Variants in ATXN2 observed in about 807,000 individuals in gnomAD.
ATXN2 encodes the protein ataxin-2.
Under a neutral mutation model 138.6 loss-of-function variants are expected in ATXN2, and 37 were observed. The observed-to-expected ratio is 0.27, with a 90% CI of 0.21 to 0.35. The LOEUF is 0.35. Ranked by LOEUF, ATXN2 falls within the 10% of genes least tolerant of loss-of-function variation. The probability of loss-of-function intolerance (pLI) is 1.00; values close to 1 mark genes in which losing one functional copy is unlikely to be tolerated. For synonymous variants in ATXN2, 549 were observed against 543.7 expected, an observed-to-expected ratio of 1.01 and a Z score of -0.13; for missense variants, 1,216 against 1,480.3, an observed-to-expected ratio of 0.82 and a Z score of 2.93.
At chr12:111,576,399 C>A (rs1883650710) in intron 1 of ATXN2, among the ~76,000 whole-genome samples, 2 of 152,102 alleles carry the variant, frequency 1.3e-5, no homozygotes, top group African/African-American at 4.8e-5. Context: ...TGCGCCACTG[C>A]ACGCCACTGT....
At chr12:111,470,377 T>C (rs1374869792) in intron 19 of ATXN2, 137 bp from the exon 20 acceptor site, 2 of 1,241,326 alleles carry the variant, frequency 1.6e-6, no homozygotes, top group Admixed American at 2.6e-5. Context: ...CTTGGCTGTT[T>C]CCTCTGAACC....
chr12:111,553,340 C>T (rs1298804720), intron 3 of ATXN2, among the ~76,000 whole-genome samples: 4 of 151,958 alleles, frequency 2.6e-5, no homozygotes, highest in African/African-American at 4.8e-5. Flanking sequence ...GGTTCCAGGA[C>T]CTCCTTCAGA....
At chr12:111,507,050 A>G (rs7969891) in intron 14 of ATXN2, among the ~76,000 whole-genome samples, 14,412 of 151,592 alleles carry the variant, frequency 0.095, 2,066 homozygotes, top group African/African-American at 0.33. Flanking sequence ...TTGGCCTCCC[A>G]AAGTGCCGAG....
intron 18 of ATXN2, among the ~76,000 whole-genome samples, chr12:111,484,525 C>CG (rs1877503750): frequency 6.6e-6 from 1 of 150,962 alleles, no homozygotes. Flanking sequence ...CCCTGCCTCC[C>CG]GGGTTCAAGC....
intron 18 of ATXN2, among the ~76,000 whole-genome samples, chr12:111,480,467 G>C (rs1326232684): frequency 6.6e-6 from 1 of 152,128 alleles, no homozygotes. Context: ...ACGAGATCAG[G>C]AGTTCGAGAC....
chr12:111,485,570 C>T, intron 17 of ATXN2, 143 bp downstream of exon 17: 1 of 1,072,196 alleles, frequency 9.3e-7, no homozygotes, highest in South Asian at 1.6e-5. Flanking sequence ...TACTTAACAA[C>T]ACACTGAATC....
chr12:111,537,767 G>C (rs774590706), intron 5 of ATXN2, among the ~76,000 whole-genome samples: 2 of 152,026 alleles, frequency 1.3e-5, no homozygotes, highest in African/African-American at 4.8e-5. Flanking sequence ...AATGTAAATT[G>C]ATTGTAGTGA....
In ATXN2 at chr12:111,516,402, A is replaced by G; in HGVS notation, c.1166-39T>C. The G allele has an allele frequency of 6.7e-7, 1 of 1,497,474 alleles. No individual in the cohort carries two copies. The highest frequency in any genetic ancestry group is 9.0e-7 in the Non-Finnish European group (1 of 1,113,500). The allele number at this position is 1,497,474 out of a possible 1,614,324, so 92.8% of individuals were successfully genotyped here. A position where few individuals can be genotyped will look rare whatever the true frequency, so the allele number is the denominator to read the frequency against. ...TGATATGAAGGAAAGTATAAAAACT[A>G]AAGAAAAAAATGAGGGAAAAAAGTA... On this transcript the variant is annotated intron_variant, in intron 9 of 24. Transcript: ENST00000673436. This position sits in a 1 kb window ranked among gnomAD's most constrained non-coding sequence, Gnocchi z 5.0.
At chr12:111,567,413 T>C (rs1883071832) in intron 1 of ATXN2, among the ~76,000 whole-genome samples, 2 of 151,322 alleles carry the variant, frequency 1.3e-5, no homozygotes, top group South Asian at 4.2e-4. Flanking sequence ...GGCAGGAGAA[T>C]CACTTGAACC....
intron 2 of ATXN2, among the ~76,000 whole-genome samples, chr12:111,555,669 A>G (rs1271049011): frequency 6.6e-6 from 1 of 152,198 alleles, no homozygotes; most frequent in Non-Finnish European, 1.5e-5. Context: ...TATCTTTATT[A>G]GCAGTGTAAG....
chr12:111,453,218 CT>C lies in ATXN2; in HGVS notation c.3440-379del. ...GAGCACAATCACAGGGCGCTCTCCC[CT>C]GTTCAGGGGCTGGGGCTAACGCTAC... On this transcript the variant is annotated intron_variant, in intron 24 of 24. Coordinates refer to ENST00000673436, the MANE Select transcript of ATXN2 (RefSeq NM_001372574.1). The surrounding 1 kb of genome is among the most constrained non-coding windows in gnomAD (Gnocchi z 5.4). 2.8e-6 allele frequency: 3 copies of C among 1,085,396 alleles called. No homozygotes were observed. The highest frequency in any genetic ancestry group is 3.4e-6 in the Non-Finnish European group (3 of 893,978). The allele number at this position is 1,085,396 out of a possible 1,614,324, so 67.2% of individuals were successfully genotyped here. A position where few individuals can be genotyped will look rare whatever the true frequency, so the allele number is the denominator to read the frequency against.
At chr12:111,568,243 A>G (rs917834895) in intron 1 of ATXN2, among the ~76,000 whole-genome samples, 2 of 152,174 alleles carry the variant, frequency 1.3e-5, no homozygotes, top group African/African-American at 4.8e-5. Flanking sequence ...CCTGAGTGAC[A>G]CAGTGAGACT....
chr12:111,519,688 C>A (rs1391242343), intron 8 of ATXN2, 191 bp downstream of exon 8: 1 of 1,095,334 alleles, frequency 9.1e-7, no homozygotes, highest in African/African-American at 1.6e-5. Flanking sequence ...CTTGGCTCCA[C>A]AGAGCTTACT....
chr12:111,569,421 A>G (rs1360983076), intron 1 of ATXN2, among the ~76,000 whole-genome samples: 7 of 152,146 alleles, frequency 4.6e-5, no homozygotes, highest in Non-Finnish European at 1.0e-4. Flanking sequence ...TCCAGCATAC[A>G]CTAGAGTAGT....
intron 14 of ATXN2, among the ~76,000 whole-genome samples, chr12:111,500,438 G>A (rs949561403): frequency 6.6e-6 from 1 of 152,192 alleles, no homozygotes; most frequent in Non-Finnish European, 1.5e-5. Flanking sequence ...GGAGATAGCA[G>A]AATGGTTACC....
chr12:111,516,441 T>C lies in ATXN2; in HGVS notation c.1166-78A>G. ...GGGAAAAAAGTAAACAGAAAAAAAG[T>C]AAAATGACAAAAATGATTTCTTGTA... is the stretch of plus-strand genomic sequence containing the variant. On this transcript the variant is annotated intron_variant, in intron 9 of 24. Coordinates refer to ENST00000673436, the MANE Select transcript of ATXN2 (RefSeq NM_001372574.1). This position sits in a 1 kb window ranked among gnomAD's most constrained non-coding sequence, Gnocchi z 5.0. 3.1e-6 allele frequency: 4 copies of C among 1,309,382 alleles called. No homozygotes were observed. The highest frequency in any genetic ancestry group is 4.2e-6 in the Non-Finnish European group (4 of 955,196). 81.1% of individuals were successfully genotyped at this position (1,309,382 alleles called of 1,614,324 possible).
At position 111,552,887 on chromosome 12, in the gene ATXN2, G is replaced by T; in HGVS notation, c.420+19C>A. The T allele has an allele frequency of 6.7e-7, 1 of 1,494,032 alleles. No individual in the cohort carries two copies. The highest frequency in any genetic ancestry group is 1.3e-5 in the South Asian group (1 of 78,258). The allele number at this position is 1,494,032 out of a possible 1,614,324, so 92.5% of individuals were successfully genotyped here. ...ATGTTCTTTTACTTTGTAAGAAAAA[G>T]AAAAAAAGTAAAAATTACCTTCGGA... is the stretch of plus-strand genomic sequence containing the variant. On this transcript the variant is annotated intron_variant, in intron 4 of 24. Transcript: ENST00000673436. The surrounding 1 kb of genome is among the most constrained non-coding windows in gnomAD (Gnocchi z 4.1).
Position 111,582,441 on chromosome 12 carries a change from C to CA in ATXN2, c.251+16342dup, listed in dbSNP as rs375687566. Among the ~76,000 whole-genome samples the CA allele has an allele frequency of 1.2e-3, 159 of 132,430 alleles. 2 individuals are homozygous for CA. Among genetic ancestry groups the CA allele is most frequent in the South Asian group, 4.6e-3 (18 of 3,956 alleles). 86.9% of individuals were successfully genotyped at this position (132,430 alleles called of 152,430 possible). The stretch of plus-strand genomic sequence containing the variant: ...TGGGTGACAAAGCGAGACGGTGTCT[C>CA]AAAAAAAAAAAAAGAACTGCAGGGT... On this transcript the variant is annotated intron_variant, in intron 1 of 24. Coordinates refer to ENST00000673436, the MANE Select transcript of ATXN2 (RefSeq NM_001372574.1).
intron 18 of ATXN2, among the ~76,000 whole-genome samples, chr12:111,483,373 A>C (rs1421404245): frequency 6.6e-6 from 1 of 150,910 alleles, no homozygotes; most frequent in Non-Finnish European, 1.5e-5. Context: ...TAGTTTCTCA[A>C]CTGATAGCAG....
Sources: allele counts gnomAD v4.1 joint callset (sites outside exome capture counted in the v4.1 genomes callset), GRCh38; gene constraint gnomAD v4.1.1; non-coding constraint Gnocchi (gnomAD v3.1); transcripts MANE v1.5; gene names NCBI Gene and HGNC (gene_info 2026-07-23, HGNC 2026-07-21).